The following RIMS2 variants were observed in gnomAD, a reference collection of about 807,000 sequenced individuals.
RIMS2 encodes the protein regulating synaptic membrane exocytosis protein 2.
RIMS2 carries 59 observed loss-of-function variants against 174.4 expected under a neutral mutation model. The observed-to-expected ratio is 0.34, with a 90% CI of 0.27 to 0.42. The LOEUF is 0.42. Ranked by LOEUF, RIMS2 falls within the 10% of genes least tolerant of loss-of-function variation. RIMS2 has a pLI of 1.00. For missense variants in RIMS2, 1,620 were observed against 1,666.3 expected (o/e 0.97, Z 0.48); for synonymous variants, 606 against 572.5 (o/e 1.06, Z -0.84).
downstream of RIMS2, chr8:104,255,900 T>C (rs1369306930): frequency 1.3e-5 from 2 of 152,206 alleles, no homozygotes; most frequent in Non-Finnish European, 2.9e-5. Context: ...ATCTTCCATA[T>C]GCCCTGACTC....
chr8:104,176,821 G>T (rs1373844179), intron 19 of RIMS2, among the ~76,000 whole-genome samples: 1 of 151,938 alleles, frequency 6.6e-6, no homozygotes, highest in Non-Finnish European at 1.5e-5. Flanking sequence ...AGCTACAGAA[G>T]TTATGAACTT....
intron 19 of RIMS2, among the ~76,000 whole-genome samples, chr8:104,070,508 T>C (rs1016947166): frequency 5.9e-5 from 9 of 152,220 alleles, no homozygotes; most frequent in African/African-American, 2.2e-4. Flanking sequence ...ACTATTTGAG[T>C]TGGATATCAG....
At chr8:104,248,169 G>A (rs2099346084) in intron 20 of RIMS2, among the ~76,000 whole-genome samples, 1 of 152,028 alleles carries the variant, frequency 6.6e-6, no homozygotes, top group Non-Finnish European at 1.5e-5. Flanking sequence ...AGAAATTGAA[G>A]ACAGCACATA....
intron 2 of RIMS2, among the ~76,000 whole-genome samples, chr8:103,745,813 G>T (rs1272228220): frequency 3.3e-5 from 5 of 152,268 alleles, no homozygotes; most frequent in East Asian, 1.9e-4. Context: ...TTGGGTTGTT[G>T]TTGGGTTGTA....
intron 1 of RIMS2, among the ~76,000 whole-genome samples, chr8:103,632,530 C>T (rs896008799): frequency 3.9e-5 from 6 of 151,960 alleles, no homozygotes; most frequent in Non-Finnish European, 8.8e-5. Flanking sequence ...AAGCGATTCT[C>T]CTGCCTCAGC....
intron 17 of RIMS2, among the ~76,000 whole-genome samples, chr8:104,011,841 T>A (rs1485705925): frequency 6.6e-6 from 1 of 152,026 alleles, no homozygotes; most frequent in East Asian, 1.9e-4. Context: ...TTAAGCAATT[T>A]AAGAAATAAT....
At chr8:103,705,267 T>C (rs970948264) in intron 2 of RIMS2, among the ~76,000 whole-genome samples, 14 of 152,138 alleles carry the variant, frequency 9.2e-5, no homozygotes, top group Non-Finnish European at 1.8e-4. Flanking sequence ...AACATTCCTC[T>C]TTTTACTGAT....
chr8:104,011,107 T>A (rs1347935756), intron 17 of RIMS2, among the ~76,000 whole-genome samples: 1 of 152,122 alleles, frequency 6.6e-6, no homozygotes, highest in Non-Finnish European at 1.5e-5. Flanking sequence ...TGTAAGACTG[T>A]GTAATTTAGG....
At chr8:104,100,305 A>G (rs1215828519) in intron 19 of RIMS2, among the ~76,000 whole-genome samples, 1 of 152,176 alleles carries the variant, frequency 6.6e-6, no homozygotes, top group African/African-American at 2.4e-5. Context: ...TTGATCTTAT[A>G]TCCTTGCTGT....
intron 20 of RIMS2, among the ~76,000 whole-genome samples, chr8:104,246,767 G>A (rs2099333577): frequency 1.3e-5 from 2 of 152,274 alleles, no homozygotes. Flanking sequence ...AGGCCCTGAA[G>A]CAGGAGCTGG....
chr8:103,878,017 G>T (rs1462091774), intron 3 of RIMS2, among the ~76,000 whole-genome samples: 1 of 151,734 alleles, frequency 6.6e-6, no homozygotes, highest in Non-Finnish European at 1.5e-5. Flanking sequence ...TGGTGTTTAG[G>T]GAGAGACCTG....
intron 19 of RIMS2, among the ~76,000 whole-genome samples, chr8:104,213,738 G>T (rs533689825): frequency 6.6e-6 from 1 of 152,084 alleles, no homozygotes; most frequent in South Asian, 2.1e-4. Flanking sequence ...TTAGTTGGGC[G>T]TGGTGGCACG....
chr8:103,895,391 T>C (rs1280885747), intron 4 of RIMS2, among the ~76,000 whole-genome samples: 1 of 151,482 alleles, frequency 6.6e-6, no homozygotes, highest in African/African-American at 2.4e-5. Context: ...CAGTGTCTAG[T>C]GGGGGCCCTC....
At chr8:104,251,687 C>T (rs1216613965) in exon 24 of RIMS2, 2 of 1,607,572 alleles carry the variant, frequency 1.2e-6, no homozygotes, top group Non-Finnish European at 1.7e-6. Flanking sequence ...CTAGAGCTAT[C>T]CAATATGGTG....
intron 1 of RIMS2, among the ~76,000 whole-genome samples, chr8:103,577,119 A>G (rs138483524): frequency 5.9e-5 from 9 of 152,356 alleles, no homozygotes; most frequent in African/African-American, 1.4e-4. Flanking sequence ...AGAAGGAACT[A>G]TCATCAGAGT....
At chr8:103,979,439 TG>T (rs1465611945) in intron 16 of RIMS2, among the ~76,000 whole-genome samples, 1 of 152,152 alleles carries the variant, frequency 6.6e-6, no homozygotes, top group East Asian at 1.9e-4. Flanking sequence ...AAACTTAAAA[TG>T]GAACTACCAT....
intron 19 of RIMS2, among the ~76,000 whole-genome samples, chr8:104,230,015 C>T (rs2099215850): frequency 1.3e-5 from 2 of 152,136 alleles, no homozygotes; most frequent in African/African-American, 4.8e-5. Context: ...CATGCTGGCT[C>T]ACACCTGTAA....
At chr8:104,160,860 T>G (rs1281399678) in intron 19 of RIMS2, among the ~76,000 whole-genome samples, 1 of 152,174 alleles carries the variant, frequency 6.6e-6, no homozygotes, top group African/African-American at 2.4e-5. Context: ...GTTGTCAGCT[T>G]GAGTAAACAT....
At chr8:103,704,367 T>C (rs1226270899) in intron 2 of RIMS2, among the ~76,000 whole-genome samples, 1 of 151,824 alleles carries the variant, frequency 6.6e-6, no homozygotes, top group Non-Finnish European at 1.5e-5. Context: ...TGCTAGAATG[T>C]TTTTGAAGAT....
Sources: gnomAD v4.1 joint callset for allele counts (sites outside exome capture counted in the v4.1 genomes callset) on GRCh38, gnomAD v4.1.1 for gene constraint, MANE v1.5 for transcripts, NCBI Gene and HGNC (gene_info 2026-07-23, HGNC 2026-07-21) for gene names.